Variants in SAMD12 observed in about 807,000 individuals in gnomAD.
SAMD12 encodes the protein sterile alpha motif domain-containing protein 12.
Under a neutral mutation model 15.0 loss-of-function variants are expected in SAMD12, and 9 were observed. The ratio of observed to expected loss-of-function variants is 0.60; its 90% confidence interval spans 0.36 to 1.05. SAMD12 has a LOEUF of 1.05. Among genes scored for constraint, SAMD12 ranks in the 50% least tolerant of loss-of-function variants. The pLI, the probability that SAMD12 is intolerant of heterozygous loss-of-function variation, is 0.01. For missense variants in SAMD12, 230 were observed against 234.2 expected (o/e 0.98, Z 0.12); for synonymous variants, 86 against 90.1 (o/e 0.96, Z 0.25).
At chr8:118,486,383 T>C (rs955396903) in intron 2 of SAMD12, among the ~76,000 whole-genome samples, 1 of 150,598 alleles carries the variant, frequency 6.6e-6, no homozygotes, top group Non-Finnish European at 1.5e-5. Context: ...GCCACTGCAC[T>C]CCAGCCTGGG....
At chr8:118,150,532 T>C in the SAMD12 span, among the ~76,000 whole-genome samples, 1 of 152,056 alleles carries the variant, frequency 6.6e-6, no homozygotes, top group Non-Finnish European at 1.5e-5. Context: ...CCCAGCTATT[T>C]TTATTTTTAA....
At chr8:118,610,117 G>A (rs998355277) in intron 1 of SAMD12, among the ~76,000 whole-genome samples, 1 of 152,086 alleles carries the variant, frequency 6.6e-6, no homozygotes, top group African/African-American at 2.4e-5. Context: ...TGTGTGCTGG[G>A]GTACGGGTGA....
chr8:118,538,682 A>T (rs1343696562), intron 2 of SAMD12, among the ~76,000 whole-genome samples: 1 of 152,204 alleles, frequency 6.6e-6, no homozygotes, highest in African/African-American at 2.4e-5. Context: ...TGCCCTCTTC[A>T]GTGCCTGTTT....
intron 2 of SAMD12, among the ~76,000 whole-genome samples, chr8:118,497,679 C>T (rs1213889559): frequency 4.2e-5 from 5 of 118,854 alleles, no homozygotes; most frequent in Non-Finnish European, 7.9e-5. Context: ...ACCAATGTAA[C>T]ATACCTGCAC....
At chr8:118,494,564 T>A (rs1824548179) in intron 2 of SAMD12, among the ~76,000 whole-genome samples, 1 of 152,308 alleles carries the variant, frequency 6.6e-6, no homozygotes, top group South Asian at 2.1e-4. Flanking sequence ...GCTGAATTAA[T>A]CAATGAAGGA....
intron 4 of SAMD12, among the ~76,000 whole-genome samples, chr8:118,210,725 C>T (rs2129815937): frequency 6.6e-6 from 1 of 152,346 alleles, no homozygotes; most frequent in South Asian, 2.1e-4. Flanking sequence ...CGGCCCTACC[C>T]TTGTTTACAT....
the SAMD12 span, among the ~76,000 whole-genome samples, chr8:118,157,710 G>A: frequency 1.3e-5 from 2 of 152,182 alleles, no homozygotes; most frequent in African/African-American, 4.8e-5. Flanking sequence ...TTAGGGCAGT[G>A]AAACAGAAAA....
Position 118,378,146 on chromosome 8 carries a change from T to C in SAMD12, c.*1271A>G, listed in dbSNP as rs1177138616. On this transcript the variant is annotated 3_prime_UTR_variant, in exon 4 of 4. Transcript: ENST00000314727. ...TTCCTCCCACCTTGTATGACTTACG[T>C]AATTTCCCATGTTGTCATGTATTCT... is the stretch of plus-strand genomic sequence containing the variant. 6.5e-6 allele frequency: 1 copy of C among 153,162 alleles called. No individual in the cohort carries two copies. The highest frequency in any genetic ancestry group is 2.1e-4 in the South Asian group (1 of 4,848). 9.5% of individuals were successfully genotyped at this position (153,162 alleles called of 1,614,324 possible).
intron 4 of SAMD12, among the ~76,000 whole-genome samples, chr8:118,362,450 C>T (rs1260098085): frequency 6.6e-6 from 1 of 152,120 alleles, no homozygotes; most frequent in East Asian, 1.9e-4. Context: ...TTTTCTGATA[C>T]ATAGACATAA....
At chr8:118,244,093 C>A (rs1055396489) in intron 4 of SAMD12, among the ~76,000 whole-genome samples, 1 of 152,116 alleles carries the variant, frequency 6.6e-6, no homozygotes, top group African/African-American at 2.4e-5. Flanking sequence ...CCATCTTATA[C>A]AGGTCTTCAT....
chr8:118,340,126 A>G (rs888392180), intron 4 of SAMD12, among the ~76,000 whole-genome samples: 1 of 152,254 alleles, frequency 6.6e-6, no homozygotes, highest in East Asian at 1.9e-4. Flanking sequence ...AGAAGTAGAC[A>G]TTTCATTTGC....
At chr8:118,230,774 G>C (rs1250768122) in intron 4 of SAMD12, among the ~76,000 whole-genome samples, 1 of 152,158 alleles carries the variant, frequency 6.6e-6, no homozygotes. Context: ...TTCAAGAAAG[G>C]AAAGAAGGCT....
intron 4 of SAMD12, among the ~76,000 whole-genome samples, chr8:118,255,663 G>A (rs1812920570): frequency 6.6e-6 from 1 of 151,436 alleles, no homozygotes; most frequent in African/African-American, 2.4e-5. Context: ...TTTCATCCAT[G>A]TCCCTACAAA....
At chr8:118,428,787 C>G (rs1210848765) in intron 3 of SAMD12, among the ~76,000 whole-genome samples, 2 of 152,032 alleles carry the variant, frequency 1.3e-5, no homozygotes, top group African/African-American at 2.4e-5. Context: ...TTTTGTTCTA[C>G]TATTATAATC....
chr8:118,551,283 T>A (rs1314044244), intron 2 of SAMD12, among the ~76,000 whole-genome samples: 1 of 150,396 alleles, frequency 6.6e-6, no homozygotes, highest in South Asian at 2.1e-4. Flanking sequence ...GAAGTAAAGC[T>A]CTCCTCAGCA....
the SAMD12 span, among the ~76,000 whole-genome samples, chr8:118,179,470 A>G: frequency 6.6e-6 from 1 of 152,070 alleles, no homozygotes; most frequent in South Asian, 2.1e-4. Flanking sequence ...ATTCTAAACA[A>G]GGAAGTCTTC....
chr8:118,587,827 T>C (rs1442816101), intron 1 of SAMD12, among the ~76,000 whole-genome samples: 9 of 152,226 alleles, frequency 5.9e-5, no homozygotes, highest in Admixed American at 5.9e-4. Context: ...CCATGGTTAG[T>C]CGTGTCTTCT....
intron 4 of SAMD12, among the ~76,000 whole-genome samples, chr8:118,318,488 G>A (rs1816061953): frequency 6.6e-6 from 1 of 151,604 alleles, no homozygotes; most frequent in Non-Finnish European, 1.5e-5. Flanking sequence ...ATACCCATAT[G>A]TTCTCACTTG....
the SAMD12 span, among the ~76,000 whole-genome samples, chr8:118,165,142 T>C: frequency 1.3e-5 from 2 of 152,232 alleles, no homozygotes; most frequent in South Asian, 4.2e-4. Flanking sequence ...TCACTTCAGA[T>C]GTTAACTGCA....
Sources: allele counts gnomAD v4.1 joint callset (sites outside exome capture counted in the v4.1 genomes callset), GRCh38; gene constraint gnomAD v4.1.1; transcripts MANE v1.5; gene names NCBI Gene and HGNC (gene_info 2026-07-23, HGNC 2026-07-21).